Variants in AASDH observed in about 807,000 individuals in gnomAD.
The protein encoded by AASDH is beta-alanine-activating enzyme.
In AASDH, 81 loss-of-function variants were observed where a neutral mutation model predicts 102.3. The ratio of observed to expected loss-of-function variants is 0.79; its 90% CI spans 0.66 to 0.95. AASDH has a LOEUF of 0.95. AASDH is among the 40% of genes least tolerant of loss of function. The probability of loss-of-function intolerance (pLI) is 0.00; values close to 1 mark genes in which losing one functional copy is unlikely to be tolerated. For synonymous variants in AASDH, 398 were observed against 454.0 expected (o/e 0.88, Z 1.57); for missense variants, 1,203 against 1,266.2 (o/e 0.95, Z 0.76).
chr4:56,381,652 C>T (rs1334838709), intron 3 of AASDH: 2 of 150,142 alleles, frequency 1.3e-5, no homozygotes, highest in African/African-American at 4.9e-5. Context: ...ACACTTCTCA[C>T]ACACACACAC....
At chr4:56,341,387 A>ATTTTTTTTT (rs1560561026) in intron 14 of AASDH, among the ~76,000 whole-genome samples, 67 of 82,744 alleles carry the variant, frequency 8.1e-4, no homozygotes, top group Non-Finnish European at 1.2e-3. Context: ...GGAGACTTTT[A>ATTTTTTTTT]TCTTTTTTTT....
intron 3 of AASDH, among the ~76,000 whole-genome samples, chr4:56,380,966 G>T (rs528564754): frequency 3.3e-5 from 5 of 152,242 alleles, no homozygotes; most frequent in Admixed American, 2.6e-4. Context: ...CTTACTGATC[G>T]TTCCTGTGTT....
chr4:56,379,024 C>T (rs1175432920), intron 3 of AASDH, among the ~76,000 whole-genome samples: 2 of 152,020 alleles, frequency 1.3e-5, no homozygotes, highest in Non-Finnish European at 2.9e-5. Flanking sequence ...GCTGGGACTA[C>T]AGGCACCTGC....
chr4:56,370,783 T>A (rs1751601732), intron 5 of AASDH, among the ~76,000 whole-genome samples: 1 of 152,238 alleles, frequency 6.6e-6, no homozygotes, highest in South Asian at 2.1e-4. Context: ...TAATTCTATT[T>A]GAGATGGGTA....
chr4:56,356,061 T>C, intron 5 of AASDH: 1 of 547,338 alleles, frequency 1.8e-6, no homozygotes, highest in Non-Finnish European at 3.2e-6. Context: ...ACCTTTCCTT[T>C]CTTACTCTGT....
At chr4:56,373,922 A>G (rs1433776031) in intron 4 of AASDH, among the ~76,000 whole-genome samples, 1 of 152,240 alleles carries the variant, frequency 6.6e-6, no homozygotes, top group Non-Finnish European at 1.5e-5. Flanking sequence ...TTTTAAAGGA[A>G]GAAAAAAAGT....
At chr4:56,358,124 C>A (rs1490860284) in intron 5 of AASDH, among the ~76,000 whole-genome samples, 1 of 151,458 alleles carries the variant, frequency 6.6e-6, no homozygotes, top group East Asian at 1.9e-4. Flanking sequence ...TTAGATTTTT[C>A]TTTAATACAT....
intron 4 of AASDH, among the ~76,000 whole-genome samples, chr4:56,372,694 G>A (rs1751877039): frequency 6.6e-6 from 1 of 152,226 alleles, no homozygotes; most frequent in African/African-American, 2.4e-5. Flanking sequence ...TAAAGGTGTA[G>A]GGGCCGAAAG....
At position 56,355,225 on chromosome 4, in the gene AASDH, T is replaced by C. The variant is rs750365988; in HGVS notation, c.1060A>G (p.Thr354Ala). ...YGITEVSSWA[T>A]IYRIPEKTLN... is the part of the protein sequence containing the mutation. ...GTCTTCTCTGGAATCCTATAAATGG[T>C]CGCCCAACTTGATACCTCTGTGATA... The change falls in exon 6 of 15, where the codon ACC becomes GCC. Residue 354 changes from threonine (T) to alanine (A), a missense_variant. By Grantham distance (58) the Thr-to-Ala change is moderately conservative. Transcript: ENST00000205214. The C allele has an allele frequency of 6.2e-7, 1 of 1,614,104 alleles. No individual in the cohort carries two copies. Among genetic ancestry groups the C allele is most frequent in the South Asian group, 1.1e-5 (1 of 91,084 alleles).
At position 56,343,676 on chromosome 4, in the gene AASDH, CTTCT is replaced by C. The variant is rs1443111068; in HGVS notation, c.2657_2660del (p.Lys886SerfsTer18). On this transcript the variant is annotated frameshift_variant, in exon 13 of 15. Transcript: ENST00000205214. LOFTEE classifies it high-confidence loss of function. ...CTCCACATTTTGACTTCCAAACACA[CTTCT>C]TTCTCTGCAAATAAGAAAACAAATT... 3.7e-6 allele frequency: 6 copies of C among 1,606,988 alleles called. No homozygotes were observed. Among genetic ancestry groups the C allele is most frequent in the African/African-American group, 2.7e-5 (2 of 74,792 alleles).
At chr4:56,384,367 G>A in intron 1 of AASDH, 26 bp from the exon 2 acceptor site, 1 of 1,436,952 alleles carries the variant, frequency 7.0e-7, no homozygotes, top group Non-Finnish European at 9.7e-7. Flanking sequence ...AGTGTTAGGG[G>A]GAGAGGGAGT....
At position 56,349,955 on chromosome 4, in the gene AASDH, A is replaced by G. The variant is rs902266197; in HGVS notation, c.1796T>C (p.Ile599Thr). The G allele has an allele frequency of 2.5e-6, 4 of 1,613,930 alleles. No individual in the cohort carries two copies. Among genetic ancestry groups the G allele is most frequent in the Middle Eastern group, 1.7e-4 (1 of 6,056 alleles). The stretch of plus-strand genomic sequence containing the variant: ...TACTGATGTACCAACAAGTTTTTCA[A>G]TCTCACTGAGGAGCCGGATGGACTT... ...SLKSIRLLSEIEKLVGTSVPG... is the reference protein window; with the variant it reads ...SLKSIRLLSETEKLVGTSVPG... The change falls in exon 11 of 15, where the codon ATT becomes ACT. Residue 599 changes from isoleucine to threonine, a missense_variant. Physicochemically the swap from Ile to Thr is moderately conservative, Grantham distance 89 (BLOSUM62 -1). Coordinates refer to ENST00000205214, the MANE Select transcript of AASDH (RefSeq NM_181806.4).
At chr4:56,386,770 G>A (rs1184347157) in intron 1 of AASDH, among the ~76,000 whole-genome samples, 1 of 129,794 alleles carries the variant, frequency 7.7e-6, no homozygotes, top group Non-Finnish European at 1.6e-5. Flanking sequence ...TCCGCAGTCC[G>A]GCCTGGGCGA....
Position 56,371,547 on chromosome 4 carries a change from A to C in AASDH, c.765T>G (p.Ser255Arg), listed in dbSNP as rs138678774. The change falls in exon 5 of 15, where the codon AGT becomes AGG. Residue 255 changes from serine to arginine, a missense_variant. Ser to Arg is a moderately radical substitution (Grantham distance 110). Transcript: ENST00000205214. ...TTGGTACAATAAGCAGAGAGGCACC[A>C]CTTGATAGAGCAAGAAATATTTCCA... ...SVVEIFLALSSGASLLIVPTS... is the reference protein window; with the variant it reads ...SVVEIFLALSRGASLLIVPTS... The C allele has an allele frequency of 5.2e-4, 836 of 1,613,358 alleles. No homozygotes were observed. The highest frequency in any genetic ancestry group is 6.9e-4 in the Admixed American group (41 of 59,674).
Position 56,345,330 on chromosome 4 carries a change from A to G in AASDH, c.2489-40T>C, listed in dbSNP as rs192038964. 2,012 of 1,566,618 alleles carry G rather than the reference A, an allele frequency of 1.3e-3. 2 individuals carry two copies. Among genetic ancestry groups the G allele is most frequent in the Non-Finnish European group, 1.7e-3 (1,930 of 1,141,610 alleles). On this transcript the variant is annotated intron_variant, in intron 11 of 14. Transcript: ENST00000205214. ...AGCACAAAAGATTTGATATAGATAT[A>G]TTACTGGAAAATAATTCTTTAGCCT...
Position 56,338,795 on chromosome 4 carries a change from T to TAA in AASDH, c.2908-6_2908-5dup, listed in dbSNP as rs1560557033. The TAA allele has an allele frequency of 2.4e-5, 38 of 1,610,184 alleles. No homozygotes were observed. Among genetic ancestry groups the TAA allele is most frequent in the Non-Finnish European group, 3.2e-5 (38 of 1,178,146 alleles). On this transcript the variant is annotated splice_region_variant and splice_polypyrimidine_tract_variant and intron_variant, in intron 14 of 14. Transcript: ENST00000205214. ...CACTGGTAGAGAACTGCCAAACCTA[T>TAA]AACAAGTAATAAAAATAAATATAAT...
At chr4:56,361,885 T>A (rs910082055) in intron 5 of AASDH, among the ~76,000 whole-genome samples, 3 of 152,068 alleles carry the variant, frequency 2.0e-5, no homozygotes, top group Non-Finnish European at 2.9e-5. Context: ...GGTGGGAGGA[T>A]CACTTGAGCC....
intron 11 of AASDH, 158 bp downstream of exon 11, chr4:56,349,105 C>A: frequency 1.3e-6 from 1 of 769,276 alleles, no homozygotes; most frequent in Non-Finnish European, 2.0e-6. Context: ...CTCTTGACCC[C>A]AAGGCCCACA....
At chr4:56,353,973 A>C in intron 8 of AASDH, 66 bp downstream of exon 8, 1 of 1,414,090 alleles carries the variant, frequency 7.1e-7, no homozygotes, top group Non-Finnish European at 9.4e-7. Flanking sequence ...CAGCACAGAA[A>C]ATTGGTGGTG....
Sources: allele counts gnomAD v4.1 joint callset (sites outside exome capture counted in the v4.1 genomes callset), GRCh38; gene constraint gnomAD v4.1.1; transcripts MANE v1.5; gene names NCBI Gene and HGNC (gene_info 2026-07-23, HGNC 2026-07-21).